The following ADARB2 variants were observed in gnomAD, a reference collection of about 807,000 sequenced individuals.
ADARB2 encodes adenosine deaminase RNA specific B2 (inactive).
A neutral mutation model predicts 62.2 loss-of-function variants in ADARB2; 25 were observed. That is an observed-to-expected ratio of 0.40 (90% CI 0.29 to 0.56). The LOEUF (loss-of-function observed/expected upper bound fraction) is 0.56, where lower values mean the gene tolerates loss of function less well. Among genes scored for constraint, ADARB2 ranks in the 20% least tolerant of loss-of-function variants. The probability of loss-of-function intolerance (pLI) is 0.43; values close to 1 mark genes in which losing one functional copy is unlikely to be tolerated. For missense variants in ADARB2, 1,071 were observed against 1,077.4 expected, an observed-to-expected ratio of 0.99 and a Z score of 0.08; for synonymous variants, 572 against 500.8, an observed-to-expected ratio of 1.14 and a Z score of -1.90.
At chr10:1,636,461 G>A (rs1333414364) in intron 1 of ADARB2, among the ~76,000 whole-genome samples, 1 of 152,138 alleles carries the variant, frequency 6.6e-6, no homozygotes, top group Non-Finnish European at 1.5e-5. Flanking sequence ...AGGCTGCAGT[G>A]AGCTGTGATT....
At chr10:1,392,052 C>T (rs369483451) in intron 1 of ADARB2, among the ~76,000 whole-genome samples, 10 of 152,026 alleles carry the variant, frequency 6.6e-5, no homozygotes, top group African/African-American at 1.7e-4. Context: ...AGGTGTGAGC[C>T]CCCGTGCCTG....
At chr10:1,614,661 C>G (rs927698720) in intron 1 of ADARB2, among the ~76,000 whole-genome samples, 1 of 152,180 alleles carries the variant, frequency 6.6e-6, no homozygotes, top group South Asian at 2.1e-4. Flanking sequence ...CCTGTCATCC[C>G]AGCACTTTGG....
At chr10:1,668,427 T>C (rs917034849) in intron 1 of ADARB2, among the ~76,000 whole-genome samples, 11 of 152,202 alleles carry the variant, frequency 7.2e-5, no homozygotes, top group African/African-American at 2.7e-4. Flanking sequence ...CCCTCAGATA[T>C]GAATTCAGAG....
chr10:1,549,160 G>A (rs1375006729), intron 1 of ADARB2, among the ~76,000 whole-genome samples: 2 of 150,808 alleles, frequency 1.3e-5, no homozygotes, highest in Non-Finnish European at 3.0e-5. Flanking sequence ...CTTTAGCTGG[G>A]GGGTCCCCTC....
chr10:1,308,379 A>G (rs775811624), intron 3 of ADARB2, among the ~76,000 whole-genome samples: 13 of 152,124 alleles, frequency 8.5e-5, no homozygotes, highest in Non-Finnish European at 1.8e-4. Flanking sequence ...GATGGATGAG[A>G]GTTTGTGTAT....
At chr10:1,639,571 G>C (rs142789935) in intron 1 of ADARB2, among the ~76,000 whole-genome samples, 2 of 152,218 alleles carry the variant, frequency 1.3e-5, no homozygotes, top group South Asian at 4.1e-4. Flanking sequence ...AGGGCCGGGC[G>C]CAGTGGCTCA....
chr10:1,583,572 C>A (rs977592403), intron 1 of ADARB2, among the ~76,000 whole-genome samples: 1 of 152,094 alleles, frequency 6.6e-6, no homozygotes, highest in African/African-American at 2.4e-5. Flanking sequence ...CTACGAAACT[C>A]GAAAGAAAGA....
chr10:1,304,399 G>C (rs1464173341), intron 3 of ADARB2, among the ~76,000 whole-genome samples: 1 of 150,368 alleles, frequency 6.7e-6, no homozygotes, highest in Non-Finnish European at 1.5e-5. Context: ...CCTACAAAGA[G>C]ACTTAGACTC....
chr10:1,212,787 C>CCCACT (rs1837172881), intron 7 of ADARB2, among the ~76,000 whole-genome samples: 1 of 151,300 alleles, frequency 6.6e-6, no homozygotes, highest in East Asian at 2.0e-4. Context: ...TCCACCCCAC[C>CCCACT]GTGGCAGGCA....
chr10:1,190,370 A>C (rs755067894), intron 8 of ADARB2, among the ~76,000 whole-genome samples: 1 of 150,732 alleles, frequency 6.6e-6, no homozygotes, highest in Non-Finnish European at 1.5e-5. Context: ...CACTTCTGTG[A>C]TGCACCTCCT....
chr10:1,432,509 G>T (rs1462778109), intron 1 of ADARB2, among the ~76,000 whole-genome samples: 2 of 150,070 alleles, frequency 1.3e-5, no homozygotes, highest in African/African-American at 4.9e-5. Context: ...TTTTACTTTT[G>T]CTAGAAATAT....
intron 1 of ADARB2, among the ~76,000 whole-genome samples, chr10:1,538,809 C>T (rs1399045954): frequency 2.6e-5 from 4 of 152,328 alleles, no homozygotes; most frequent in South Asian, 2.1e-4. Context: ...CTGCCCATGC[C>T]GCCTGACCCT....
intron 1 of ADARB2, among the ~76,000 whole-genome samples, chr10:1,715,303 T>C (rs1835004270): frequency 6.6e-6 from 1 of 152,210 alleles, no homozygotes; most frequent in Non-Finnish European, 1.5e-5. Flanking sequence ...GTATTTCCAT[T>C]GGCAGAACTT....
In ADARB2 at chr10:1,382,763, A is replaced by T. The variant is rs183449748; in HGVS notation, c.101-3603T>A. On this transcript the variant is annotated intron_variant, in intron 1 of 9. Coordinates refer to ENST00000381312, the MANE Select transcript of ADARB2 (RefSeq NM_018702.4). ...TTCGGAGTGTGCCAGGAGAAGCTGCATCACAGGGCTCCCCACGCTACCGCC... is the reference window on the plus strand; with the variant it reads ...TTCGGAGTGTGCCAGGAGAAGCTGCTTCACAGGGCTCCCCACGCTACCGCC... 9.4e-4 allele frequency among the ~76,000 whole-genome samples: 141 copies of T among 149,454 alleles called. 1 individual carries two copies. The highest frequency in any genetic ancestry group is 1.7e-3 in the Non-Finnish European group (116 of 67,744).
chr10:1,327,132 C>T (rs1478356539), intron 3 of ADARB2, among the ~76,000 whole-genome samples: 2 of 111,872 alleles, frequency 1.8e-5, no homozygotes, highest in African/African-American at 3.3e-5. Context: ...CACTGCACAG[C>T]GCCTCCTCAC....
At chr10:1,301,506 G>A (rs1004699534) in intron 3 of ADARB2, among the ~76,000 whole-genome samples, 10 of 152,056 alleles carry the variant, frequency 6.6e-5, no homozygotes, top group Admixed American at 4.6e-4. Flanking sequence ...ATATAAAACC[G>A]TTAAGAAAAT....
At chr10:1,657,390 T>TTTTTTATG (rs11281046) in intron 1 of ADARB2, among the ~76,000 whole-genome samples, 35,673 of 151,872 alleles carry the variant, frequency 0.23, 4,508 homozygotes, top group Middle Eastern at 0.3. Flanking sequence ...TAAATCATAT[T>TTTTTTATG]TTTTTATGTT....
intron 6 of ADARB2, among the ~76,000 whole-genome samples, chr10:1,229,408 CCA>C (rs1830777008): frequency 6.6e-6 from 1 of 152,258 alleles, no homozygotes; most frequent in African/African-American, 2.4e-5. Flanking sequence ...TGCTCAGCAG[CCA>C]CCAGAGAGTC....
At chr10:1,576,111 A>AGATCG (rs1833014562) in intron 1 of ADARB2, among the ~76,000 whole-genome samples, 1 of 20,898 alleles carries the variant, frequency 4.8e-5, no homozygotes, top group Non-Finnish European at 8.8e-5. Flanking sequence ...GGGGGCTCAG[A>AGATCG]GTCACAGGAG....
Sources: gnomAD v4.1 joint callset for allele counts (sites outside exome capture counted in the v4.1 genomes callset) on GRCh38, gnomAD v4.1.1 for gene constraint, MANE v1.5 for transcripts, NCBI Gene and HGNC (gene_info 2026-07-23, HGNC 2026-07-21) for gene names.